Variants in GALNTL6 observed in about 807,000 individuals in gnomAD.
GALNTL6 encodes the protein polypeptide N-acetylgalactosaminyltransferase-like 6.
In GALNTL6, 46 loss-of-function variants were observed where a neutral mutation model predicts 73.7. That is an observed-to-expected ratio of 0.62 (90% CI 0.49 to 0.80). The LOEUF (loss-of-function observed/expected upper bound fraction) is 0.80, where lower values mean the gene tolerates loss of function less well. Ranked by LOEUF, GALNTL6 falls within the 30% of genes least tolerant of loss-of-function variation. The probability of loss-of-function intolerance (pLI) is 0.00; values close to 1 mark genes in which losing one functional copy is unlikely to be tolerated. For synonymous variants in GALNTL6, 259 were observed against 263.7 expected, an observed-to-expected ratio of 0.98 and a Z score of 0.17; for missense variants, 604 against 755.0, an observed-to-expected ratio of 0.80 and a Z score of 2.34.
chr4:172,206,811 TTTG>T (rs1468807112), intron 2 of GALNTL6, among the ~76,000 whole-genome samples: 2 of 39,326 alleles, frequency 5.1e-5, no homozygotes, highest in African/African-American at 8.3e-5. Flanking sequence ...TTCTGTTTTT[TTTG>T]TTTGTTTTTT....
chr4:172,733,793 C>T (rs1361922402), intron 5 of GALNTL6, among the ~76,000 whole-genome samples: 1 of 152,148 alleles, frequency 6.6e-6, no homozygotes, highest in Non-Finnish European at 1.5e-5. Flanking sequence ...ATAAATTACC[C>T]AGTCCCAGGT....
rs560813989 is a variant in GALNTL6, at chr4:172,671,584, T to C, written c.554-137777T>C. 2.6e-4 allele frequency among the ~76,000 whole-genome samples: 39 copies of C among 152,342 alleles called. 1 individual carries two copies. The South Asian group carries it at 7.9e-3, about 31-fold the overall frequency. On this transcript the variant is annotated intron_variant, in intron 5 of 12. Transcript: ENST00000506823. ...GGCTGAGACTACGGGGTTTTCTAGA[T>C]ACAAGATTATATCATCTGCAAACAG... is the stretch of plus-strand genomic sequence containing the variant.
intron 2 of GALNTL6, among the ~76,000 whole-genome samples, chr4:172,048,275 A>G (rs1201810028): frequency 1.3e-5 from 2 of 150,106 alleles, no homozygotes; most frequent in African/African-American, 5.0e-5. Context: ...AAAGAAGCAC[A>G]GAAGAAGAGA....
Position 171,930,489 on chromosome 4 carries a change from C to T in GALNTL6, c.138+115771C>T, listed in dbSNP as rs1174368421. Among the ~76,000 whole-genome samples the T allele has an allele frequency of 3.9e-5, 6 of 152,116 alleles. No homozygotes were observed. In the East Asian group the frequency reaches 1.2e-3, roughly 29 times the overall value. The stretch of plus-strand genomic sequence containing the variant: ...CACAATAAAAGCCATATATGGCAAA[C>T]CTACAGCTGACATCATACTGAATGG... On this transcript the variant is annotated intron_variant, in intron 2 of 12. Coordinates refer to ENST00000506823, the MANE Select transcript of GALNTL6 (RefSeq NM_001034845.3).
In GALNTL6 at chr4:172,617,183, T is replaced by G. The variant is rs146874888; in HGVS notation, c.554-192178T>G. On this transcript the variant is annotated intron_variant, in intron 5 of 12. Transcript: ENST00000506823. ...ATTATAAGGCATTTTGGGTGTAGGATATATATAGCTGTACATTCTGTCCTT... is the reference window on the plus strand; with the variant it reads ...ATTATAAGGCATTTTGGGTGTAGGAGATATATAGCTGTACATTCTGTCCTT... Among the ~76,000 whole-genome samples, 30 of 152,080 alleles carry G rather than the reference T, an allele frequency of 2.0e-4. 1 individual carries two copies. The East Asian group carries it at 5.8e-3, about 29-fold the overall frequency.
intron 2 of GALNTL6, among the ~76,000 whole-genome samples, chr4:172,169,639 C>T (rs565067013): frequency 4.6e-5 from 7 of 152,174 alleles, no homozygotes; most frequent in Non-Finnish European, 8.8e-5. Flanking sequence ...TTGACTAATA[C>T]ATACACAACT....
chr4:172,200,740 A>C (rs988139329), intron 2 of GALNTL6, among the ~76,000 whole-genome samples: 3 of 151,902 alleles, frequency 2.0e-5, no homozygotes, highest in African/African-American at 7.2e-5. Context: ...CATAGGCAGT[A>C]AGTGATTGTC....
intron 5 of GALNTL6, among the ~76,000 whole-genome samples, chr4:172,429,008 G>T (rs956933677): frequency 6.6e-6 from 1 of 151,944 alleles, no homozygotes; most frequent in Non-Finnish European, 1.5e-5. Flanking sequence ...TGTCTGCTGA[G>T]ATCCCGCTTT....
At chr4:172,750,086 A>G (rs1737341236) in intron 5 of GALNTL6, among the ~76,000 whole-genome samples, 1 of 152,200 alleles carries the variant, frequency 6.6e-6, no homozygotes, top group South Asian at 2.1e-4. Flanking sequence ...AAAATTTATA[A>G]CAAGAGTTAA....
intron 5 of GALNTL6, among the ~76,000 whole-genome samples, chr4:172,675,393 G>A (rs1053854509): frequency 6.6e-6 from 1 of 152,208 alleles, no homozygotes; most frequent in Non-Finnish European, 1.5e-5. Flanking sequence ...GTGGATGCTG[G>A]GGTACCTGCC....
chr4:172,662,442 CATT>C (rs1731425607), intron 5 of GALNTL6, among the ~76,000 whole-genome samples: 1 of 152,122 alleles, frequency 6.6e-6, no homozygotes. Flanking sequence ...TTTTAAGACT[CATT>C]ATAGTTTGTC....
At chr4:172,893,594 G>T (rs1746165801) in intron 8 of GALNTL6, among the ~76,000 whole-genome samples, 1 of 152,180 alleles carries the variant, frequency 6.6e-6, no homozygotes, top group East Asian at 1.9e-4. Flanking sequence ...GGCAGTCTTG[G>T]GAAGATCTGG....
rs543346598 is a variant in GALNTL6 at position 172,899,992 on chromosome 4, G to C, written c.1041+17085G>C. On this transcript the variant is annotated intron_variant, in intron 8 of 12. Transcript: ENST00000506823. ...TTACGGCAACTTGTTTTATCAGCAA[G>C]GTCTTTATGACCTATATCTTGTGCA... 2.6e-5 allele frequency among the ~76,000 whole-genome samples: 4 copies of C among 152,222 alleles called. No individual in the cohort carries two copies. In the South Asian group the frequency reaches 8.3e-4, roughly 32 times the overall value.
rs140681778 is a variant in GALNTL6 at position 172,223,094 on chromosome 4, T to C, written c.139-6562T>C. Among the ~76,000 whole-genome samples the C allele has an allele frequency of 6.4e-3, 972 of 152,176 alleles. 2 individuals carry two copies. The highest frequency in any genetic ancestry group is 0.014 in the Admixed American group (219 of 15,280). The stretch of plus-strand genomic sequence containing the variant: ...ACACTGCTTAGTACATCTTTCTGCC[T>C]GCTTCACACATCTGAGATCCTGATC... On this transcript the variant is annotated intron_variant, in intron 2 of 12. Transcript: ENST00000506823.
chr4:172,523,791 C>A (rs962692087), intron 5 of GALNTL6, among the ~76,000 whole-genome samples: 2 of 152,158 alleles, frequency 1.3e-5, no homozygotes, highest in Admixed American at 1.3e-4. Context: ...TCTCTACACT[C>A]TCTTAATGGG....
rs1450124705 is a variant in GALNTL6, at chr4:171,813,899, C to A, written c.-261C>A. On this transcript the variant is annotated 5_prime_UTR_variant, in exon 1 of 13. Transcript: ENST00000506823. The surrounding 1 kb of genome is among the most constrained non-coding windows in gnomAD (Gnocchi z 5.2). ...GGTCCGGCACTTCGTGGACCTCCAT[C>A]CGAACCGGAGTTCTGCCCGGATCCC... 1.3e-5 allele frequency: 2 copies of A among 152,262 alleles called. No individual in the cohort carries two copies. Among genetic ancestry groups the A allele is most frequent in the Non-Finnish European group, 2.9e-5 (2 of 68,136 alleles). 9.4% of individuals were successfully genotyped at this position (152,262 alleles called of 1,614,324 possible).
At position 172,863,928 on chromosome 4, in the gene GALNTL6, C is replaced by A. The variant is rs181003230; in HGVS notation, c.924-18862C>A. Among the ~76,000 whole-genome samples, 435 of 152,282 alleles carry A rather than the reference C, an allele frequency of 2.9e-3. 1 individual carries two copies. Among genetic ancestry groups the A allele is most frequent in the African/African-American group, 9.9e-3 (411 of 41,564 alleles). On this transcript the variant is annotated intron_variant, in intron 7 of 12. Transcript: ENST00000506823. ...GGGACCCAGTGGGAGGTAATTGAAT[C>A]ATGGTAGTGGGCCTTTCCCATGCTG...
At chr4:171,936,410 T>C (rs1385607790) in intron 2 of GALNTL6, among the ~76,000 whole-genome samples, 2 of 152,118 alleles carry the variant, frequency 1.3e-5, no homozygotes, top group Non-Finnish European at 2.9e-5. Context: ...GTTGTTGTAA[T>C]TAAGGAATGC....
chr4:172,390,698 C>T (rs1289870025), intron 5 of GALNTL6, among the ~76,000 whole-genome samples: 2 of 152,080 alleles, frequency 1.3e-5, no homozygotes, highest in Non-Finnish European at 2.9e-5. Context: ...TAAGGGGGGA[C>T]TACTGTATTT....
Sources: gnomAD v4.1 joint callset for allele counts (sites outside exome capture counted in the v4.1 genomes callset) on GRCh38, gnomAD v4.1.1 for gene constraint, Gnocchi (gnomAD v3.1) non-coding constraint, MANE v1.5 for transcripts, NCBI Gene and HGNC (gene_info 2026-07-23, HGNC 2026-07-21) for gene names.